ARHGAP40: variants seen among roughly 807,000 people sequenced by gnomAD.
ARHGAP40 encodes rho GTPase-activating protein 40.
In ARHGAP40, 43 loss-of-function variants were observed where a neutral mutation model predicts 73.5. That is an observed-to-expected ratio of 0.58 (90% CI 0.46 to 0.75). The LOEUF (loss-of-function observed/expected upper bound fraction) is 0.75. Ranked by LOEUF, ARHGAP40 falls within the 30% of genes least tolerant of loss-of-function variation. The pLI is 0.00. For missense variants in ARHGAP40, 734 were observed against 861.8 expected (o/e 0.85, Z 1.86); for synonymous variants, 300 against 352.8 (o/e 0.85, Z 1.68).
chr20:38,612,720 A>C (rs1436625417), intron 1 of ARHGAP40, among the ~76,000 whole-genome samples: 1 of 152,080 alleles, frequency 6.6e-6, no homozygotes, highest in East Asian at 1.9e-4. Context: ...AGGAAAGGAA[A>C]GAAAAGAAAA....
At chr20:38,608,316 TA>T in intron 1 of ARHGAP40, among the ~76,000 whole-genome samples, 1 of 152,162 alleles carries the variant, frequency 6.6e-6, no homozygotes, top group East Asian at 1.9e-4. Flanking sequence ...CTTGTTTCTT[TA>T]AAACTGAGTT....
intron 8 of ARHGAP40, 39 bp from the exon 9 acceptor site, chr20:38,639,188 C>G (rs1350010763): frequency 1.5e-6 from 2 of 1,301,886 alleles, no homozygotes; most frequent in Non-Finnish European, 2.0e-6. Flanking sequence ...CTACCAGAGC[C>G]CTGGGCCAAC....
chr20:38,632,019 A>G (rs2088942431), intron 5 of ARHGAP40, among the ~76,000 whole-genome samples: 1 of 152,094 alleles, frequency 6.6e-6, no homozygotes, highest in Non-Finnish European at 1.5e-5. Context: ...GCTGGAGTGC[A>G]GTGGCAAAAC....
intron 11 of ARHGAP40, among the ~76,000 whole-genome samples, chr20:38,645,174 GCCTGGTGT>G (rs2089044032): frequency 1.3e-5 from 2 of 150,648 alleles, no homozygotes; most frequent in East Asian, 3.9e-4. Context: ...AAGGGCAGAA[GCCTGGTGT>G]CCTCTGCTCA....
intron 6 of ARHGAP40, among the ~76,000 whole-genome samples, chr20:38,636,206 A>C (rs796912400): frequency 1.3e-5 from 2 of 152,302 alleles, no homozygotes; most frequent in African/African-American, 4.8e-5. Context: ...ATTTAGAACA[A>C]TAGTGACATT....
At chr20:38,638,959 G>GT (rs2088995502) in intron 8 of ARHGAP40, 121 bp downstream of exon 8, 3 of 1,006,024 alleles carry the variant, frequency 3.0e-6, no homozygotes, top group Non-Finnish European at 4.1e-6. Context: ...CTCTGTGTGG[G>GT]TCGAGGGTTT....
intron 6 of ARHGAP40, among the ~76,000 whole-genome samples, chr20:38,635,560 G>C (rs922762383): frequency 1.3e-5 from 2 of 152,118 alleles, no homozygotes; most frequent in Non-Finnish European, 2.9e-5. Flanking sequence ...CTACCTGGGA[G>C]GCTGAAGTGG....
At chr20:38,644,022 C>T in intron 11 of ARHGAP40, 112 bp downstream of exon 11, 1 of 957,882 alleles carries the variant, frequency 1.0e-6, no homozygotes, top group Non-Finnish European at 1.4e-6. Context: ...CCTTCCAGGA[C>T]CTTTGTTGGC....
chr20:38,607,916 C>T (rs1167412850), intron 1 of ARHGAP40, among the ~76,000 whole-genome samples: 3 of 152,152 alleles, frequency 2.0e-5, no homozygotes, highest in African/African-American at 4.8e-5. Context: ...TGCCAACTTT[C>T]CCAGTAGATT....
chr20:38,616,025 C>T (rs2088835183), intron 1 of ARHGAP40, among the ~76,000 whole-genome samples: 1 of 152,314 alleles, frequency 6.6e-6, no homozygotes, highest in South Asian at 2.1e-4. Flanking sequence ...ACCCAGGCGG[C>T]AGCTGTCCAG....
chr20:38,630,163 CTTCCTTCCTTCCTTCT>C (rs1407562746), intron 5 of ARHGAP40, among the ~76,000 whole-genome samples: 5 of 142,328 alleles, frequency 3.5e-5, no homozygotes, highest in Non-Finnish European at 7.5e-5. Flanking sequence ...CCCTCCCTCC[CTTCCTTCCTTCCTTCT>C]TTCCTTCCTT....
exon 13 of ARHGAP40, chr20:38,647,121 T>C (rs2089059388): frequency 1.5e-6 from 2 of 1,304,082 alleles, no homozygotes; most frequent in African/African-American, 3.0e-5. Context: ...ACAGCCTCCT[T>C]CTACAGTAAG....
intron 1 of ARHGAP40, chr20:38,614,941 G>C: frequency 1.5e-6 from 2 of 1,317,828 alleles, no homozygotes; most frequent in Non-Finnish European, 2.2e-6. Context: ...AGTACTCTCC[G>C]AAGGCTGGAG....
At chr20:38,622,082 CAAA>C (rs1418071785) in intron 1 of ARHGAP40, among the ~76,000 whole-genome samples, 1 of 151,922 alleles carries the variant, frequency 6.6e-6, no homozygotes, top group Non-Finnish European at 1.5e-5. Context: ...AACAAACAAA[CAAA>C]AACAGAAAAG....
exon 15 of ARHGAP40, chr20:38,649,985 C>A: frequency 1.9e-6 from 1 of 531,662 alleles, no homozygotes; most frequent in Non-Finnish European, 3.2e-6. Flanking sequence ...TTCTGAAATG[C>A]CTCTCAGACC....
chr20:38,640,892 T>C (rs1356923653), intron 9 of ARHGAP40, among the ~76,000 whole-genome samples: 3 of 152,214 alleles, frequency 2.0e-5, no homozygotes, highest in East Asian at 3.9e-4. Flanking sequence ...AATGATGCAA[T>C]GATGCCCATC....
intron 6 of ARHGAP40, 101 bp downstream of exon 6, chr20:38,634,886 CTT>C (rs11481956): frequency 3.1e-3 from 2,898 of 933,148 alleles, no homozygotes; most frequent in South Asian, 5.4e-3. Flanking sequence ...GTCTTTCTTT[CTT>C]TTTTTTTTTT....
Position 38,619,729 on chromosome 20 carries a change from G to A in ARHGAP40, c.138-3630G>A, listed in dbSNP as rs74495185. ...AAGTCTTGGTGGGTCCCCCAATCCC[G>A]TTGGGTCTGTTTCCTTGTCTGTAAG... On this transcript the variant is annotated intron_variant, in intron 1 of 14. Transcript: ENST00000373345. Among the ~76,000 whole-genome samples, 1,069 of 150,526 alleles carry A rather than the reference G, an allele frequency of 7.1e-3. 16 individuals carry two copies. The highest frequency in any genetic ancestry group is 0.024 in the African/African-American group (999 of 40,784).
At chr20:38,650,168 T>C in exon 15 of ARHGAP40, 1 of 369,746 alleles carries the variant, frequency 2.7e-6, no homozygotes, top group Admixed American at 3.7e-5. Context: ...ATGCCCTCAC[T>C]CCCCTCCACC....
Sources: gnomAD v4.1 joint callset for allele counts (sites outside exome capture counted in the v4.1 genomes callset) on GRCh38, gnomAD v4.1.1 for gene constraint, MANE v1.5 for transcripts, NCBI Gene and HGNC (gene_info 2026-07-23, HGNC 2026-07-21) for gene names.